Variants in GPBP1 observed in about 807,000 individuals in gnomAD.
GPBP1 encodes vasculin.
In GPBP1, 13 loss-of-function variants were observed where a neutral mutation model predicts 56.5. The observed-to-expected ratio is 0.23, with a 90% CI of 0.15 to 0.37. GPBP1 has a LOEUF of 0.37. Ranked by LOEUF, GPBP1 falls within the 10% of genes least tolerant of loss-of-function variation. GPBP1 has a pLI of 1.00. For missense variants in GPBP1, 477 were observed against 572.3 expected, an observed-to-expected ratio of 0.83 and a Z score of 1.70; for synonymous variants, 204 against 188.9, an observed-to-expected ratio of 1.08 and a Z score of -0.66.
At chr5:57,256,184 A>T (rs989638743) in intron 10 of GPBP1, among the ~76,000 whole-genome samples, 3 of 152,140 alleles carry the variant, frequency 2.0e-5, no homozygotes, top group African/African-American at 7.2e-5. Context: ...GGAACCTAGG[A>T]GGTGAGGTGG....
At chr5:57,255,361 A>G (rs1741611863) in intron 10 of GPBP1, among the ~76,000 whole-genome samples, 1 of 152,196 alleles carries the variant, frequency 6.6e-6, no homozygotes, top group African/African-American at 2.4e-5. Context: ...CTAGGAGTGA[A>G]TTTGATTGGT....
intron 10 of GPBP1, among the ~76,000 whole-genome samples, chr5:57,254,774 G>A (rs1231588679): frequency 1.3e-5 from 2 of 151,230 alleles, no homozygotes; most frequent in Non-Finnish European, 2.9e-5. Flanking sequence ...AATTGCATTT[G>A]AGAATTAATT....
rs368982812 is a variant in GPBP1 at position 57,246,535 on chromosome 5, T to C, written c.663+51T>C. ...AAATTTTGAGTTGATAACCAATTTATGTCCTATGGGGGGAAATGTTAAAGA... is the reference window on the plus strand; with the variant it reads ...AAATTTTGAGTTGATAACCAATTTACGTCCTATGGGGGGAAATGTTAAAGA... On this transcript the variant is annotated intron_variant, in intron 7 of 11. Transcript: ENST00000506184. 3.2e-4 allele frequency: 459 copies of C among 1,437,388 alleles called. No homozygotes were observed. In the Middle Eastern group the frequency reaches 4.2e-3, roughly 13 times the overall value. The allele number at this position is 1,437,388 out of a possible 1,614,324, so 89.0% of individuals were successfully genotyped here. A position where few individuals can be genotyped will look rare whatever the true frequency, so the allele number is the denominator to read the frequency against.
chr5:57,187,874 A>C (rs1579979031), intron 2 of GPBP1, among the ~76,000 whole-genome samples: 2 of 147,540 alleles, frequency 1.4e-5, no homozygotes, highest in South Asian at 2.2e-4. Context: ...GGGACAGAAG[A>C]AGCAGAAACC....
At chr5:57,246,757 A>G (rs1741109355) in intron 7 of GPBP1, among the ~76,000 whole-genome samples, 3 of 152,142 alleles carry the variant, frequency 2.0e-5, no homozygotes, top group African/African-American at 7.2e-5. Context: ...ATGATAATAT[A>G]TAATGCTGTT....
intron 2 of GPBP1, among the ~76,000 whole-genome samples, chr5:57,197,192 T>TA (rs1754803077): frequency 1.3e-5 from 2 of 151,942 alleles, no homozygotes; most frequent in Admixed American, 1.3e-4. Flanking sequence ...CATTTTTTTT[T>TA]AAAAAAGTAA....
At chr5:57,216,485 G>T (rs1755703546) in intron 3 of GPBP1, among the ~76,000 whole-genome samples, 2 of 152,152 alleles carry the variant, frequency 1.3e-5, no homozygotes, top group Admixed American at 1.3e-4. Flanking sequence ...ACTTTGGGAG[G>T]CACAGGTGGG....
rs1257560804 is a variant in GPBP1 at position 57,262,981 on chromosome 5, A to G, written c.*229A>G. 15 of 369,262 alleles carry G rather than the reference A, an allele frequency of 4.1e-5. No homozygotes were observed. The East Asian group carries it at 6.4e-4, about 16-fold the overall frequency. 22.9% of individuals were successfully genotyped at this position (369,262 alleles called of 1,614,324 possible). ...GAATGAGGACTTGGGTTGGTCCAAC[A>G]TTGACTTTCTTCATCACTGCAACAT... On this transcript the variant is annotated 3_prime_UTR_variant, in exon 12 of 12. Coordinates refer to ENST00000506184, the MANE Select transcript of GPBP1 (RefSeq NM_022913.4).
intron 2 of GPBP1, among the ~76,000 whole-genome samples, chr5:57,196,742 G>A (rs551182182): frequency 6.6e-6 from 1 of 151,948 alleles, no homozygotes; most frequent in Non-Finnish European, 1.5e-5. Context: ...ACAGGTGTGT[G>A]CCACCATGCC....
chr5:57,259,944 C>G (rs928044055), intron 10 of GPBP1, among the ~76,000 whole-genome samples: 4 of 152,164 alleles, frequency 2.6e-5, no homozygotes, highest in African/African-American at 9.7e-5. Context: ...GAGTGGATCC[C>G]TTCCACTTCT....
intron 3 of GPBP1, among the ~76,000 whole-genome samples, chr5:57,214,845 A>G (rs1755638344): frequency 6.6e-6 from 1 of 152,118 alleles, no homozygotes; most frequent in Non-Finnish European, 1.5e-5. Flanking sequence ...TATTAATAGT[A>G]GAGGTGAGGT....
chr5:57,206,251 C>T (rs1284929808), intron 2 of GPBP1, among the ~76,000 whole-genome samples: 1 of 151,678 alleles, frequency 6.6e-6, no homozygotes, highest in Admixed American at 6.6e-5. Context: ...TTTTTGTTTT[C>T]TTTTTTTAAT....
rs772594900 is a variant in GPBP1 at position 57,235,222 on chromosome 5, A to G, written c.412-744A>G. ...CTTGGGAGGCTGAGACAGGAGAATC[A>G]CCTGAACCCTGGAGGCGGAGGTTCC... On this transcript the variant is annotated intron_variant, in intron 5 of 11. Transcript: ENST00000506184. Among the ~76,000 whole-genome samples the G allele has an allele frequency of 4.6e-5, 7 of 151,814 alleles. 1 individual carries two copies. Among genetic ancestry groups the G allele is most frequent in the African/African-American group, 7.3e-5 (3 of 41,340 alleles).
Position 57,175,594 on chromosome 5 carries a change from G to A in GPBP1, c.-864G>A. On this transcript the variant is annotated 5_prime_UTR_variant, in exon 2 of 12. In the 5' UTR this introduces an upstream ATG that the reference lacks. Coordinates refer to ENST00000506184, the MANE Select transcript of GPBP1 (RefSeq NM_022913.4). The stretch of plus-strand genomic sequence containing the variant: ...AAAATTGGCAAGAATCGTCTGTGAA[G>A]TGAATTGATAGTAGTGAACAATTCA... 1 of 397,736 alleles carries A rather than the reference G, an allele frequency of 2.5e-6. No individual in the cohort carries two copies. Among genetic ancestry groups the A allele is most frequent in the Non-Finnish European group, 4.4e-6 (1 of 225,662 alleles). The allele number at this position is 397,736 out of a possible 1,614,324, so 24.6% of individuals were successfully genotyped here. A position where few individuals can be genotyped will look rare whatever the true frequency, so the allele number is the denominator to read the frequency against.
chr5:57,189,159 C>A (rs970307727), intron 2 of GPBP1, among the ~76,000 whole-genome samples: 3 of 152,040 alleles, frequency 2.0e-5, no homozygotes, highest in Non-Finnish European at 4.4e-5. Context: ...TCGCTCTGTC[C>A]CCCAGGCTGG....
chr5:57,233,290 T>C (rs548735022), intron 5 of GPBP1, among the ~76,000 whole-genome samples: 162 of 152,230 alleles, frequency 1.1e-3, no homozygotes, highest in African/African-American at 3.5e-3. Context: ...AATAGAAAAA[T>C]AAAAGATTAC....
chr5:57,195,606 T>A (rs980609108), intron 2 of GPBP1, among the ~76,000 whole-genome samples: 8 of 152,162 alleles, frequency 5.3e-5, no homozygotes, highest in African/African-American at 1.9e-4. Flanking sequence ...TGGAGTAAGA[T>A]GTATTTGCTT....
intron 9 of GPBP1, among the ~76,000 whole-genome samples, chr5:57,250,302 C>T (rs1741321103): frequency 6.6e-6 from 1 of 151,782 alleles, no homozygotes; most frequent in Non-Finnish European, 1.5e-5. Context: ...CTGTACCTGG[C>T]CATGACTTCA....
At chr5:57,241,699 G>T (rs1258323257) in intron 6 of GPBP1, among the ~76,000 whole-genome samples, 2 of 152,108 alleles carry the variant, frequency 1.3e-5, no homozygotes, top group Non-Finnish European at 2.9e-5. Flanking sequence ...ACCTGTGTAG[G>T]TGAGGTTGAT....
Sources: allele counts gnomAD v4.1 joint callset (sites outside exome capture counted in the v4.1 genomes callset), GRCh38; gene constraint gnomAD v4.1.1; transcripts MANE v1.5; gene names NCBI Gene and HGNC (gene_info 2026-07-23, HGNC 2026-07-21).